The following EPHA1 variants were observed in gnomAD, a reference collection of about 807,000 sequenced individuals.
EPHA1 encodes the protein ephrin type-A receptor 1.
A neutral mutation model predicts 110.1 loss-of-function variants in EPHA1; 92 were observed. That is an observed-to-expected ratio of 0.84 (90% CI 0.71 to 0.99). EPHA1 has a LOEUF of 0.99. Among genes scored for constraint, EPHA1 ranks in the 50% least tolerant of loss-of-function variants. The pLI is 0.00. For synonymous variants in EPHA1, 500 were observed against 516.1 expected, an observed-to-expected ratio of 0.97 and a Z score of 0.42; for missense variants, 1,204 against 1,285.4, an observed-to-expected ratio of 0.94 and a Z score of 0.97.
Position 143,401,397 on chromosome 7 carries a change from T to A in EPHA1, c.359A>T (p.Glu120Val). Reference sequence around the variant, plus strand: ...CTCCATGTACAGAAGGTTGAAGGTCTCCTTGCAGCCCAGAGGCCCGGCTCC... The same window carrying A: ...CTCCATGTACAGAAGGTTGAAGGTCACCTTGCAGCCCAGAGGCCCGGCTCC... ...PGGAGPLGCKETFNLLYMESD... is the reference protein window; with the variant it reads ...PGGAGPLGCKVTFNLLYMESD... The change falls in exon 3 of 18, where the codon GAG becomes GTG. Residue 120 changes from glutamate to valine, a missense_variant. Glu to Val is a moderately radical substitution (Grantham distance 121). Transcript: ENST00000275815. This position sits in a 1 kb window ranked among gnomAD's most constrained non-coding sequence, Gnocchi z 4.1. 6.2e-7 allele frequency: 1 copy of A among 1,614,114 alleles called. No homozygotes were observed. The highest frequency in any genetic ancestry group is 8.5e-7 in the Non-Finnish European group (1 of 1,180,026).
chr7:143,403,810 C>T (rs1355921896), intron 2 of EPHA1, among the ~76,000 whole-genome samples: 2 of 152,190 alleles, frequency 1.3e-5, no homozygotes, highest in Admixed American at 6.5e-5. Flanking sequence ...TTGTATATTT[C>T]TCTTTTGTTC....
intron 2 of EPHA1, among the ~76,000 whole-genome samples, chr7:143,402,107 T>TC (rs1805437567): frequency 6.6e-6 from 1 of 151,564 alleles, no homozygotes; most frequent in South Asian, 2.1e-4. Context: ...TTTTTTTTTT[T>TC]TGGTAGAGAT....
At chr7:143,391,590 TC>T (rs1330981376) in intron 17 of EPHA1, 29 bp downstream of exon 17, 1 of 1,614,066 alleles carries the variant, frequency 6.2e-7, no homozygotes, top group Non-Finnish European at 8.5e-7. Flanking sequence ...CCCGCAGCCC[TC>T]CCCTGCCCAG....
intron 16 of EPHA1, among the ~76,000 whole-genome samples, chr7:143,392,502 A>T (rs2116609504): frequency 6.6e-6 from 1 of 152,312 alleles, no homozygotes; most frequent in Non-Finnish European, 1.5e-5. Context: ...CTGGCTACCC[A>T]ATAAAGCACT....
Position 143,398,011 on chromosome 7 carries a change from A to G in EPHA1, c.1524T>C (p.Pro508=). ...GGACTCTGACGATGTATGTGGTGTC[A>G]GGCTGCAGCTCTGTCAGCAAGACCC... ...EPRVLLTELQ[P]DTTYIVRVRM... The change falls in exon 8 of 18, where the codon CCT becomes CCC. Residue 508 remains proline, a synonymous_variant. Coordinates refer to ENST00000275815, the MANE Select transcript of EPHA1 (RefSeq NM_005232.5). 6.2e-7 allele frequency: 1 copy of G among 1,614,142 alleles called. No homozygotes were observed. Among genetic ancestry groups the G allele is most frequent in the East Asian group, 2.2e-5 (1 of 44,870 alleles).
chr7:143,399,753 G>A lies in EPHA1; in HGVS notation c.733C>T (p.Pro245Ser). 3 of 1,613,724 alleles carry A rather than the reference G, an allele frequency of 1.9e-6. No individual in the cohort carries two copies. The highest frequency in any genetic ancestry group is 1.7e-6 in the Non-Finnish European group (2 of 1,179,976). ...CCATCAGGGCTGCAGTGCATGCGGG[G>A]TGCACCTGAGGGCCTGGGGCTGGCC... ...ARASPRPSGA[P>S]RMHCSPDGEW... Residue 245 changes from proline (P) to serine (S), a missense_variant, in exon 4 of 18, where the codon CCC becomes TCC. Pro to Ser is a moderately conservative substitution (Grantham distance 74). Transcript: ENST00000275815.
intron 2 of EPHA1, among the ~76,000 whole-genome samples, chr7:143,403,023 G>A (rs1426810798): frequency 6.6e-6 from 1 of 152,072 alleles, no homozygotes; most frequent in Admixed American, 6.6e-5. Context: ...CTTTCAACAC[G>A]GGATCATACA....
Position 143,395,417 on chromosome 7 carries a change from G to T in EPHA1, c.1985C>A (p.Ser662Tyr), listed in dbSNP as rs1375790178. 3.1e-6 allele frequency: 5 copies of T among 1,614,086 alleles called. No homozygotes were observed. Among genetic ancestry groups the T allele is most frequent in the Non-Finnish European group, 3.4e-6 (4 of 1,180,046 alleles). The change falls in exon 12 of 18, where the codon TCC becomes TAC. Residue 662 changes from serine to tyrosine, a missense_variant. Coordinates refer to ENST00000275815, the MANE Select transcript of EPHA1 (RefSeq NM_005232.5). The surrounding 1 kb of genome is among the most constrained non-coding windows in gnomAD (Gnocchi z 4.7). ...TVAIKTLKDTSPGGQWWNFLR... is the reference protein window; with the variant it reads ...TVAIKTLKDTYPGGQWWNFLR... ...GAAGTTCCACCACTGGCCACCTGGG[G>T]ATGTGTCTTTTAAGGTCTTAATGGC...
chr7:143,397,208 T>G (rs1805276381), intron 10 of EPHA1, 96 bp downstream of exon 10: 1 of 1,428,148 alleles, frequency 7.0e-7, no homozygotes. Flanking sequence ...AATGTGTCCC[T>G]TGATCCCTTC....
Position 143,395,903 on chromosome 7 carries a change from C to T in EPHA1, c.1898-399G>A, listed in dbSNP as rs1805231642. 6.6e-6 allele frequency among the ~76,000 whole-genome samples: 1 copy of T among 152,216 alleles called. No individual in the cohort carries two copies. Among genetic ancestry groups the T allele is most frequent in the African/African-American group, 2.4e-5 (1 of 41,446 alleles). ...TCCTCTGGTCCCAGCTTGCCTGGCT[C>T]AGCTGCACAATTGGCAAGGACACCA... is the stretch of plus-strand genomic sequence containing the variant. On this transcript the variant is annotated intron_variant, in intron 11 of 17. Coordinates refer to ENST00000275815, the MANE Select transcript of EPHA1 (RefSeq NM_005232.5). The surrounding 1 kb of genome is among the most constrained non-coding windows in gnomAD (Gnocchi z 4.7).
In EPHA1 at chr7:143,395,472, T is replaced by C; in HGVS notation, c.1930A>G (p.Arg644Gly). Residue 644 changes from arginine to glycine, a missense_variant, in exon 12 of 18, where the codon AGG becomes GGG. Transcript: ENST00000275815. This position sits in a 1 kb window ranked among gnomAD's most constrained non-coding sequence, Gnocchi z 4.7. ...GTCTTGCAGTCCTGGCTGGGGAGCC[T>C]CAGGGTCCCTCGATACACTTCCCCA... ...EFGEVYRGTL[R>G]LPSQDCKTVA... The C allele has an allele frequency of 6.2e-7, 1 of 1,614,178 alleles. No individual in the cohort carries two copies. The highest frequency in any genetic ancestry group is 8.5e-7 in the Non-Finnish European group (1 of 1,180,030).
In EPHA1 at chr7:143,396,420, G is replaced by C. The variant is rs1399859924; in HGVS notation, c.1862C>G (p.Pro621Arg). ...GACAGTGTCCACCATCAGCCACGCT[G>C]GATCAAGCTCCCGGGTAAAGTCCAG... ...GALDFTRELDPAWLMVDTVIG... is the reference protein window; with the variant it reads ...GALDFTRELDRAWLMVDTVIG... The change falls in exon 11 of 18, where the codon CCA becomes CGA. Residue 621 changes from proline (P) to arginine (R), a missense_variant. Transcript: ENST00000275815. The C allele has an allele frequency of 6.2e-7, 1 of 1,613,412 alleles. No individual in the cohort carries two copies. The highest frequency in any genetic ancestry group is 1.3e-5 in the African/African-American group (1 of 74,910).
chr7:143,394,251 C>T lies in EPHA1; in HGVS notation c.2445G>A (p.Val815=). The T allele has an allele frequency of 1.9e-6, 3 of 1,614,064 alleles. No individual in the cohort carries two copies. Among genetic ancestry groups the T allele is most frequent in the Admixed American group, 1.7e-5 (1 of 60,004 alleles). Residue 815 remains valine, a synonymous_variant, in exon 15 of 18, where the codon GTG becomes GTA. Transcript: ENST00000275815. ...TASDVWSFGI[V]MWEVLSFGDK... ...CCCCAAAGCTCAGCACCTCCCACAT[C>T]ACAATCCCAAAGCTCCACACATCGC...
intron 2 of EPHA1, among the ~76,000 whole-genome samples, chr7:143,402,352 G>C (rs1805444996): frequency 6.6e-6 from 1 of 152,106 alleles, no homozygotes; most frequent in African/African-American, 2.4e-5. Flanking sequence ...GATTTGGCTG[G>C]ACTTCTTGAT....
intron 2 of EPHA1, among the ~76,000 whole-genome samples, chr7:143,405,495 G>A: frequency 6.6e-6 from 1 of 151,946 alleles, no homozygotes; most frequent in South Asian, 2.1e-4. Context: ...GGGGGACAAG[G>A]TAGATAGTGG....
In EPHA1 at chr7:143,391,695, C is replaced by T. The variant is rs201517649; in HGVS notation, c.2777G>A (p.Arg926His). 24 of 1,613,970 alleles carry T rather than the reference C, an allele frequency of 1.5e-5. No individual in the cohort carries two copies. The highest frequency in any genetic ancestry group is 8.8e-5 in the South Asian group (8 of 91,082). The change falls in exon 17 of 18, where the codon CGC (arginine) becomes CAC (histidine). Residue 926 changes from arginine (R) to histidine (H), a missense_variant. Coordinates refer to ENST00000275815, the MANE Select transcript of EPHA1 (RefSeq NM_005232.5). The stretch of plus-strand genomic sequence containing the variant: ...GAAGTGCAGGATGTAGCGTTTCATG[C>T]GTATGGACTCGAGCCACTCAGAGAC... The part of the protein sequence containing the change: ...RTVSEWLESI[R>H]MKRYILHFHS...
rs369972132 is a variant in EPHA1 at position 143,395,745 on chromosome 7, T to A, written c.1898-241A>T. 8.0e-4 allele frequency: 445 copies of A among 555,500 alleles called. No individual in the cohort carries two copies. The highest frequency in any genetic ancestry group is 3.9e-3 in the South Asian group (165 of 42,650). 34.4% of individuals were successfully genotyped at this position (555,500 alleles called of 1,614,324 possible). On this transcript the variant is annotated intron_variant, in intron 11 of 17. Coordinates refer to ENST00000275815, the MANE Select transcript of EPHA1 (RefSeq NM_005232.5). This position sits in a 1 kb window ranked among gnomAD's most constrained non-coding sequence, Gnocchi z 4.7. ...TGTTTGCACAGTTCTTGGCTCACAA[T>A]AGGCGCTCGGCAACTGCAGGGTGAA...
At position 143,401,800 on chromosome 7, in the gene EPHA1, G is replaced by A. The variant is rs1045089148; in HGVS notation, c.151-195C>T. Among the ~76,000 whole-genome samples the A allele has an allele frequency of 6.6e-6, 1 of 152,278 alleles. No individual in the cohort carries two copies. The highest frequency in any genetic ancestry group is 2.1e-4 in the South Asian group (1 of 4,816). ...GGGGATTTGTTTGGATATAAGATGGGCAAGACAATAGTCCCTTAACATCCC... is the reference window on the plus strand; with the variant it reads ...GGGGATTTGTTTGGATATAAGATGGACAAGACAATAGTCCCTTAACATCCC... On this transcript the variant is annotated intron_variant, in intron 2 of 17. Coordinates refer to ENST00000275815, the MANE Select transcript of EPHA1 (RefSeq NM_005232.5). The surrounding 1 kb of genome is among the most constrained non-coding windows in gnomAD (Gnocchi z 4.1).
At chr7:143,405,268 AAGC>A (rs1805517152) in intron 2 of EPHA1, among the ~76,000 whole-genome samples, 1 of 152,046 alleles carries the variant, frequency 6.6e-6, no homozygotes, top group Admixed American at 6.5e-5. Context: ...GAGCCAGGAG[AAGC>A]AGATGTTCCC....
Sources: gnomAD v4.1 joint callset for allele counts (sites outside exome capture counted in the v4.1 genomes callset) on GRCh38, gnomAD v4.1.1 for gene constraint, Gnocchi (gnomAD v3.1) non-coding constraint, MANE v1.5 for transcripts, NCBI Gene and HGNC (gene_info 2026-07-23, HGNC 2026-07-21) for gene names.